Variants in NEK10 observed in about 807,000 individuals in gnomAD.
The protein encoded by NEK10 is serine/threonine-protein kinase Nek10.
Under a neutral mutation model 159.8 loss-of-function variants are expected in NEK10, and 122 were observed. The observed-to-expected ratio is 0.76, with a 90% CI of 0.66 to 0.89. The LOEUF (loss-of-function observed/expected upper bound fraction) is 0.89. NEK10 is among the 40% of genes least tolerant of loss of function. The probability of loss-of-function intolerance (pLI) is 0.00; values close to 1 mark genes in which losing one functional copy is unlikely to be tolerated. For synonymous variants in NEK10, 466 were observed against 457.1 expected (o/e 1.02, Z -0.25); for missense variants, 1,342 against 1,323.1 (o/e 1.01, Z -0.22).
intron 22 of NEK10, among the ~76,000 whole-genome samples, chr3:27,274,043 A>C (rs1176429633): frequency 6.6e-6 from 1 of 152,074 alleles, no homozygotes; most frequent in East Asian, 1.9e-4. Flanking sequence ...AATTATTTCT[A>C]ATTCAACAAA....
intron 5 of NEK10, among the ~76,000 whole-genome samples, chr3:27,332,876 C>T (rs1366334537): frequency 2.6e-5 from 4 of 152,176 alleles, no homozygotes; most frequent in Admixed American, 6.5e-5. Context: ...ACACAAATGA[C>T]GTCACGAGAG....
At chr3:27,289,575 C>G (rs2042856418) in intron 19 of NEK10, among the ~76,000 whole-genome samples, 1 of 152,186 alleles carries the variant, frequency 6.6e-6, no homozygotes. Context: ...AATATGTGAC[C>G]AGGTAACCAA....
chr3:27,356,952 A>G (rs2048362462), intron 1 of NEK10, among the ~76,000 whole-genome samples: 1 of 152,236 alleles, frequency 6.6e-6, no homozygotes, highest in African/African-American at 2.4e-5. Context: ...TAAGCATGGC[A>G]TAAGCCCTCA....
chr3:27,222,173 G>A (rs1952180016), intron 23 of NEK10, among the ~76,000 whole-genome samples: 2 of 152,114 alleles, frequency 1.3e-5, no homozygotes, highest in African/African-American at 4.8e-5. Context: ...AAGAGTTCAA[G>A]ACCAGCCTGA....
At chr3:27,215,901 C>T (rs745560828) in intron 23 of NEK10, 38 of 689,972 alleles carry the variant, frequency 5.5e-5, no homozygotes, top group Non-Finnish European at 7.0e-5. Flanking sequence ...CCAGATCACA[C>T]GAAAACTCAC....
intron 31 of NEK10, 137 bp downstream of exon 31, chr3:27,141,343 TAA>T (rs1392313759): frequency 1.8e-6 from 1 of 552,716 alleles, no homozygotes; most frequent in African/African-American, 1.9e-5. Context: ...GCTGCTAAAC[TAA>T]AGTGTCCCCA....
At chr3:27,138,142 T>C (rs1373730227) in intron 31 of NEK10, among the ~76,000 whole-genome samples, 2 of 152,192 alleles carry the variant, frequency 1.3e-5, no homozygotes, top group Non-Finnish European at 2.9e-5. Flanking sequence ...GTGGGACCCC[T>C]AGAGGTTGGT....
intron 23 of NEK10, among the ~76,000 whole-genome samples, chr3:27,247,820 C>CTTTTTTTTTTTTTT (rs111440414): frequency 7.9e-6 from 1 of 125,922 alleles, no homozygotes; most frequent in Admixed American, 8.1e-5. Context: ...CTTTTCTTTT[C>CTTTTTTTTTTTTTT]TTTTTTTTTT....
chr3:27,290,467 A>G (rs2042918887), intron 19 of NEK10, 150 bp downstream of exon 19: 1 of 570,588 alleles, frequency 1.8e-6, no homozygotes, highest in Non-Finnish European at 2.9e-6. Context: ...AGCCTTAGGA[A>G]AAAAGCTGGC....
At chr3:27,293,484 A>T in intron 16 of NEK10, 104 bp downstream of exon 16, 1 of 569,378 alleles carries the variant, frequency 1.8e-6, no homozygotes, top group East Asian at 2.8e-5. Flanking sequence ...TTGCATACTG[A>T]CGCATTATTT....
chr3:27,169,769 G>A (rs890463651), intron 29 of NEK10, among the ~76,000 whole-genome samples: 1 of 152,060 alleles, frequency 6.6e-6, no homozygotes, highest in Non-Finnish European at 1.5e-5. Context: ...TGGTTCCATT[G>A]AGGCTGCCCA....
intron 22 of NEK10, among the ~76,000 whole-genome samples, chr3:27,275,121 T>C (rs919047852): frequency 2.0e-5 from 3 of 152,204 alleles, no homozygotes; most frequent in Non-Finnish European, 2.9e-5. Flanking sequence ...CCTTCTGTGC[T>C]CACCCAGTTC....
Position 27,157,996 on chromosome 3 carries a change from A to G in NEK10, c.2869+4705T>C, listed in dbSNP as rs1945654698. Reference sequence around the variant, plus strand: ...TATATATATTTTTAGACATAATATTATTGTGCACTTAATAGACTTAGTATA... The same window carrying G: ...TATATATATTTTTAGACATAATATTGTTGTGCACTTAATAGACTTAGTATA... On this transcript the variant is annotated intron_variant, in intron 30 of 35. Coordinates refer to ENST00000691995, the MANE Select transcript of NEK10 (RefSeq NM_001394966.1). Among the ~76,000 whole-genome samples, 4 of 152,298 alleles carry G rather than the reference A, an allele frequency of 2.6e-5. No homozygotes were observed. The South Asian group carries it at 6.2e-4, about 24-fold the overall frequency.
intron 32 of NEK10, among the ~76,000 whole-genome samples, chr3:27,129,988 C>T (rs1942421897): frequency 6.6e-6 from 1 of 151,870 alleles, no homozygotes; most frequent in Non-Finnish European, 1.5e-5. Flanking sequence ...ACCCAGGAGG[C>T]CTGCCTCTCT....
intron 1 of NEK10, among the ~76,000 whole-genome samples, chr3:27,358,068 T>C (rs2048439351): frequency 6.6e-6 from 1 of 152,222 alleles, no homozygotes; most frequent in African/African-American, 2.4e-5. Context: ...GCCAAAAACT[T>C]TGGCTTTTTA....
At chr3:27,178,316 G>A (rs999965769) in intron 26 of NEK10, among the ~76,000 whole-genome samples, 1 of 152,092 alleles carries the variant, frequency 6.6e-6, no homozygotes, top group African/African-American at 2.4e-5. Flanking sequence ...TAAAATCAGT[G>A]CAATTTTTAA....
chr3:27,200,941 T>C (rs1949990782), intron 25 of NEK10, among the ~76,000 whole-genome samples: 1 of 151,182 alleles, frequency 6.6e-6, no homozygotes, highest in Non-Finnish European at 1.5e-5. Flanking sequence ...GAAGGGGAAG[T>C]GGGAGGGAGC....
chr3:27,337,445 G>GA (rs34005225), intron 5 of NEK10, among the ~76,000 whole-genome samples: 120,657 of 151,038 alleles, frequency 0.8, 49,813 homozygotes, highest in East Asian at 0.94. Flanking sequence ...CACAGAAATA[G>GA]AAAAAAAAGA....
intron 26 of NEK10, among the ~76,000 whole-genome samples, chr3:27,183,126 C>T (rs1169318811): frequency 6.6e-6 from 1 of 151,726 alleles, no homozygotes; most frequent in Non-Finnish European, 1.5e-5. Context: ...GTGGCTGATA[C>T]CCCAATTACC....
Sources: gnomAD v4.1 joint callset for allele counts (sites outside exome capture counted in the v4.1 genomes callset) on GRCh38, gnomAD v4.1.1 for gene constraint, MANE v1.5 for transcripts, NCBI Gene and HGNC (gene_info 2026-07-23, HGNC 2026-07-21) for gene names.